Variants in DNAH2 observed in about 807,000 individuals in gnomAD.
The protein encoded by DNAH2 is dynein axonemal heavy chain 2.
DNAH2 carries 323 observed loss-of-function variants against 523.5 expected under a neutral mutation model. The ratio of observed to expected loss-of-function variants is 0.62; its 90% CI spans 0.56 to 0.68. The LOEUF (loss-of-function observed/expected upper bound fraction) is 0.68. Ranked by LOEUF, DNAH2 falls within the 30% of genes least tolerant of loss-of-function variation. DNAH2 has a pLI of 0.00. For missense variants in DNAH2, 4,907 were observed against 5,701.5 expected (o/e 0.86, Z 4.49); for synonymous variants, 2,093 against 2,177.4 (o/e 0.96, Z 1.08).
chr17:7,723,905 A>G (rs1162084457), intron 3 of DNAH2, among the ~76,000 whole-genome samples: 1 of 152,074 alleles, frequency 6.6e-6, no homozygotes, highest in African/African-American at 2.4e-5. Flanking sequence ...AGTAAGGCGC[A>G]GGTCTCTCTT....
chr17:7,744,067 T>C (rs1567630075), intron 12 of DNAH2, among the ~76,000 whole-genome samples: 1 of 151,990 alleles, frequency 6.6e-6, no homozygotes, highest in Non-Finnish European at 1.5e-5. Flanking sequence ...GCTACTAGTG[T>C]TGGATTCCAC....
At chr17:7,774,132 C>T (rs1166856485) in intron 28 of DNAH2, among the ~76,000 whole-genome samples, 2 of 152,164 alleles carry the variant, frequency 1.3e-5, no homozygotes, top group African/African-American at 4.8e-5. Flanking sequence ...TACGGCTTCT[C>T]TTTGGTGTAT....
Position 7,766,487 on chromosome 17 carries a change from G to A in DNAH2, c.3675+6G>A, listed in dbSNP as rs751738067. ...ACCTTCAGAACCTGGAGAAGGTGGT[G>A]TGCTGAGCAAGGACCCTGTGGTCAC... On this transcript the variant is annotated splice_donor_region_variant and intron_variant, in intron 22 of 85. Coordinates refer to ENST00000572933, the MANE Select transcript of DNAH2 (RefSeq NM_020877.5). The A allele has an allele frequency of 6.2e-7, 1 of 1,613,504 alleles. No individual in the cohort carries two copies. The highest frequency in any genetic ancestry group is 2.2e-5 in the East Asian group (1 of 44,884).
chr17:7,739,776 A>G lies in DNAH2; in HGVS notation c.1214A>G (p.Lys405Arg), dbSNP rs201937632. ...CACTTCGCCCGCTGGGAAGATGGCAAGCAGGGTCCCCTTCCTTGCTTCTTT... is the reference window on the plus strand; with the variant it reads ...CACTTCGCCCGCTGGGAAGATGGCAGGCAGGGTCCCCTTCCTTGCTTCTTT... ...QYHFARWEDG[K>R]QGPLPCFFGA... Residue 405 changes from lysine (K) to arginine (R), a missense_variant, in exon 9 of 86, where the codon AAG (lysine) becomes AGG (arginine). Transcript: ENST00000572933. 7.4e-6 allele frequency: 12 copies of G among 1,613,848 alleles called. No homozygotes were observed. In the East Asian group the frequency reaches 2.5e-4, roughly 33 times the overall value.
At chr17:7,787,740 A>T (rs1400746303) in intron 42 of DNAH2, 120 bp from the exon 43 acceptor site, 2 of 1,299,634 alleles carry the variant, frequency 1.5e-6, no homozygotes, top group Admixed American at 5.8e-5. Context: ...TGTCTTAAAA[A>T]AAAAAAAAAA....
intron 2 of DNAH2, among the ~76,000 whole-genome samples, chr17:7,723,230 A>G (rs1227004263): frequency 2.1e-5 from 3 of 144,208 alleles, no homozygotes; most frequent in Non-Finnish European, 4.5e-5. Flanking sequence ...TTGGCCTCCC[A>G]AAGTGCTGGG....
chr17:7,755,071 T>G, intron 12 of DNAH2: 1 of 258,732 alleles, frequency 3.9e-6, no homozygotes, highest in Non-Finnish European at 7.3e-6. Flanking sequence ...TGGAAACAGG[T>G]AAGTGCATAC....
At position 7,828,774 on chromosome 17, in the gene DNAH2, CATACATTTTA is replaced by C; in HGVS notation, c.11854-1523_11854-1514del. The stretch of plus-strand genomic sequence containing the variant: ...TTCTGTAATTTTCTCCGTAAATAAT[CATACATTTTA>C]ATTGGATTTATTTCTTGGTACTTGA... On this transcript the variant is annotated intron_variant, in intron 77 of 85. Coordinates refer to ENST00000572933, the MANE Select transcript of DNAH2 (RefSeq NM_020877.5). This position sits in a 1 kb window ranked among gnomAD's most constrained non-coding sequence, Gnocchi z 4.1. Among the ~76,000 whole-genome samples, 1 of 151,970 alleles carries C rather than the reference CATACATTTTA, an allele frequency of 6.6e-6. No homozygotes were observed. The highest frequency in any genetic ancestry group is 1.5e-5 in the Non-Finnish European group (1 of 68,014).
At chr17:7,732,973 A>G (rs935498866) in intron 4 of DNAH2, 114 bp from the exon 5 acceptor site, 81 of 977,130 alleles carry the variant, frequency 8.3e-5, no homozygotes, top group Non-Finnish European at 1.2e-5. Flanking sequence ...ACTTCCATTT[A>G]GAGAAGGATC....
At chr17:7,775,554 G>A (rs1424865799) in intron 30 of DNAH2, among the ~76,000 whole-genome samples, 1 of 151,896 alleles carries the variant, frequency 6.6e-6, no homozygotes, top group Non-Finnish European at 1.5e-5. Context: ...GCGCGGTGGC[G>A]CATGCTGGTA....
chr17:7,823,783 C>G, intron 74 of DNAH2, 51 bp from the exon 75 acceptor site: 1 of 1,598,124 alleles, frequency 6.3e-7, no homozygotes, highest in East Asian at 2.2e-5. Flanking sequence ...CTGGATTCCC[C>G]GCTCTTCCAG....
chr17:7,799,009 T>C (rs1376731360), intron 55 of DNAH2, 94 bp from the exon 56 acceptor site: 6 of 1,518,416 alleles, frequency 4.0e-6, no homozygotes, highest in Non-Finnish European at 5.3e-6. Context: ...AAGTCCAGCC[T>C]GGGAAACACT....
chr17:7,757,850 A>G (rs1334913142), intron 13 of DNAH2, among the ~76,000 whole-genome samples: 1 of 152,336 alleles, frequency 6.6e-6, no homozygotes, highest in East Asian at 1.9e-4. Flanking sequence ...CTGTCCTCAC[A>G]TAGTGGAAGG....
chr17:7,740,562 C>T lies in DNAH2; in HGVS notation c.1506+13C>T, dbSNP rs1436809282. The T allele has an allele frequency of 1.9e-6, 3 of 1,611,832 alleles. No homozygotes were observed. Among genetic ancestry groups the T allele is most frequent in the Middle Eastern group, 1.7e-4 (1 of 5,982 alleles). Reference sequence around the variant, plus strand: ...TGCCTCCCGCGAGGTGCGGCTGCCCCGCGGCTTCCTCGGCTTCCCGTCCCG... The same window carrying T: ...TGCCTCCCGCGAGGTGCGGCTGCCCTGCGGCTTCCTCGGCTTCCCGTCCCG... On this transcript the variant is annotated intron_variant, in intron 10 of 85. Coordinates refer to ENST00000572933, the MANE Select transcript of DNAH2 (RefSeq NM_020877.5).
intron 56 of DNAH2, among the ~76,000 whole-genome samples, chr17:7,799,985 C>G (rs1178059827): frequency 2.0e-5 from 3 of 152,240 alleles, no homozygotes; most frequent in African/African-American, 7.2e-5. Flanking sequence ...CCATTCCCTC[C>G]CCAGCTGCTG....
At position 7,776,844 on chromosome 17, in the gene DNAH2, G is replaced by C. The variant is rs775385185; in HGVS notation, c.5013G>C (p.Lys1671Asn). 2 of 1,612,742 alleles carry C rather than the reference G, an allele frequency of 1.2e-6. No individual in the cohort carries two copies. Among genetic ancestry groups the C allele is most frequent in the South Asian group, 2.2e-5 (2 of 91,040 alleles). ...ADVTKCLLTA[K>N]ERADKKILKV... ...TCACCAAGTGCCTGCTGACAGCGAA[G>C]GAGCGGGCAGACAAGAAAATCCTCA... Residue 1671 changes from lysine to asparagine, a missense_variant, in exon 32 of 86, where the codon AAG becomes AAC. This residue lies in a region of DNAH2 where 2,806 missense variants were observed against 3,190.8 expected (regional missense o/e 0.88). Coordinates refer to ENST00000572933, the MANE Select transcript of DNAH2 (RefSeq NM_020877.5).
chr17:7,832,808 G>A lies in DNAH2; in HGVS notation c.12904-46G>A, dbSNP rs764078450. On this transcript the variant is annotated intron_variant, in intron 83 of 85. Transcript: ENST00000572933. This position sits in a 1 kb window ranked among gnomAD's most constrained non-coding sequence, Gnocchi z 4.3. ...GGATGTATGCTGGGGCCATGTATGT[G>A]TTCTCCTCTTCAGGGTCCTCTCTTA... 18 of 1,613,964 alleles carry A rather than the reference G, an allele frequency of 1.1e-5. No individual in the cohort carries two copies. Among genetic ancestry groups the A allele is most frequent in the Admixed American group, 6.7e-5 (4 of 60,000 alleles).
chr17:7,816,764 T>C (rs1485129343), intron 64 of DNAH2, 29 bp downstream of exon 64: 2 of 1,606,774 alleles, frequency 1.2e-6, no homozygotes, highest in Non-Finnish European at 1.7e-6. Context: ...CCTGGTGTCC[T>C]TTCACTCTGC....
intron 12 of DNAH2, among the ~76,000 whole-genome samples, chr17:7,746,849 T>C (rs1294101423): frequency 1.3e-5 from 2 of 152,038 alleles, no homozygotes; most frequent in Non-Finnish European, 2.9e-5. Context: ...TAGCCAGGCA[T>C]GGTGGCGTGC....
Sources: allele counts gnomAD v4.1 joint callset (sites outside exome capture counted in the v4.1 genomes callset), GRCh38; gene constraint gnomAD v4.1.1; regional missense constraint gnomAD v4.1.1; non-coding constraint Gnocchi (gnomAD v3.1); transcripts MANE v1.5; gene names NCBI Gene and HGNC (gene_info 2026-07-23, HGNC 2026-07-21).